KIF26B: variants seen among roughly 807,000 people sequenced by gnomAD.
KIF26B encodes the protein kinesin family member 26B.
In KIF26B, 63 loss-of-function variants were observed where a neutral mutation model predicts 151.2. That is an observed-to-expected ratio of 0.42 (90% CI 0.34 to 0.51). The LOEUF is 0.51. KIF26B is among the 20% of genes least tolerant of loss of function. KIF26B has a pLI of 0.07. For missense variants in KIF26B, 2,813 were observed against 2,913.6 expected, an observed-to-expected ratio of 0.97 and a Z score of 0.79; for synonymous variants, 1,357 against 1,262.1, an observed-to-expected ratio of 1.08 and a Z score of -1.59.
At chr1:245,504,149 G>A (rs910319415) in intron 4 of KIF26B, among the ~76,000 whole-genome samples, 8 of 152,180 alleles carry the variant, frequency 5.3e-5, no homozygotes, top group African/African-American at 1.9e-4. Flanking sequence ...CGTGGGAAGA[G>A]AGGAGGCCCT....
At chr1:245,497,435 A>T (rs111913241) in intron 4 of KIF26B, among the ~76,000 whole-genome samples, 4 of 152,202 alleles carry the variant, frequency 2.6e-5, no homozygotes, top group African/African-American at 9.7e-5. Context: ...AAATTCATTC[A>T]GAGTACTTTT....
At chr1:245,384,747 C>T (rs561050357) in intron 3 of KIF26B, among the ~76,000 whole-genome samples, 1 of 152,304 alleles carries the variant, frequency 6.6e-6, no homozygotes, top group South Asian at 2.1e-4. Context: ...ATTAAGAAGA[C>T]TGGTAAATAC....
rs1037447020 is a variant in KIF26B, at chr1:245,540,532, G to A, written c.1167-235G>A. The A allele has an allele frequency of 2.9e-6, 2 of 693,032 alleles. No individual in the cohort carries two copies. Among genetic ancestry groups the A allele is most frequent in the Admixed American group, 4.0e-5 (2 of 49,662 alleles). The allele number at this position is 693,032 out of a possible 1,614,324, so 42.9% of individuals were successfully genotyped here. A position where few individuals can be genotyped will look rare whatever the true frequency, so the allele number is the denominator to read the frequency against. On this transcript the variant is annotated intron_variant, in intron 4 of 14. Transcript: ENST00000407071. The surrounding 1 kb of genome is among the most constrained non-coding windows in gnomAD (Gnocchi z 4.6). ...ACATCATTCTTTGTAAATCGTGATTGCAGAATCCTGCTATTTTATGGCTTT... is the reference window on the plus strand; with the variant it reads ...ACATCATTCTTTGTAAATCGTGATTACAGAATCCTGCTATTTTATGGCTTT...
intron 10 of KIF26B, among the ~76,000 whole-genome samples, chr1:245,659,885 A>G (rs181492282): frequency 6.9e-6 from 1 of 144,400 alleles, no homozygotes; most frequent in East Asian, 2.5e-4. Flanking sequence ...CTAAAAATAC[A>G]AGAAAAAAAA....
chr1:245,257,244 C>T (rs1558364315), intron 2 of KIF26B, among the ~76,000 whole-genome samples: 3 of 152,224 alleles, frequency 2.0e-5, no homozygotes, highest in Admixed American at 1.3e-4. Context: ...CAATGTACAT[C>T]TTACATGTAT....
At chr1:245,420,361 A>T (rs184777025) in intron 4 of KIF26B, among the ~76,000 whole-genome samples, 106 of 152,342 alleles carry the variant, frequency 7.0e-4, no homozygotes, top group African/African-American at 2.5e-3. Flanking sequence ...CGGGAGACGA[A>T]GGACAGCTGA....
rs1172154568 is a variant in KIF26B at position 245,444,091 on chromosome 1, C to T, written c.1166+24346C>T. 8.2e-5 allele frequency among the ~76,000 whole-genome samples: 11 copies of T among 133,650 alleles called. No homozygotes were observed. In the East Asian group the frequency reaches 2.3e-3, roughly 28 times the overall value. 87.7% of individuals were successfully genotyped at this position (133,650 alleles called of 152,430 possible). ...GTCATCTCCCTCACTGTTCACCCTG[C>T]GGTCATCTCCCTCACTGTTCACCTA... is the stretch of plus-strand genomic sequence containing the variant. On this transcript the variant is annotated intron_variant, in intron 4 of 14. Transcript: ENST00000407071.
chr1:245,663,257 G>A (rs562714762), intron 10 of KIF26B, among the ~76,000 whole-genome samples: 2 of 139,362 alleles, frequency 1.4e-5, no homozygotes, highest in South Asian at 2.5e-4. Flanking sequence ...TCTGCTGCTT[G>A]TTACCCAGTA....
chr1:245,196,503 C>T (rs1669198804), intron 2 of KIF26B, among the ~76,000 whole-genome samples: 1 of 152,140 alleles, frequency 6.6e-6, no homozygotes, highest in South Asian at 2.1e-4. Flanking sequence ...GGTCTCCTCC[C>T]ACCTTTCCAA....
intron 2 of KIF26B, among the ~76,000 whole-genome samples, chr1:245,341,591 G>C (rs1672335519): frequency 6.6e-6 from 1 of 152,116 alleles, no homozygotes; most frequent in Non-Finnish European, 1.5e-5. Flanking sequence ...CAAAGTGCTG[G>C]GATTCCAGGA....
At chr1:245,412,907 C>T (rs1051903602) in intron 3 of KIF26B, among the ~76,000 whole-genome samples, 4 of 152,170 alleles carry the variant, frequency 2.6e-5, no homozygotes, top group Non-Finnish European at 1.5e-5. Context: ...GTGTCGACAC[C>T]TGCGCAGACA....
chr1:245,487,473 C>T (rs1660307573), intron 4 of KIF26B, among the ~76,000 whole-genome samples: 1 of 152,248 alleles, frequency 6.6e-6, no homozygotes, highest in South Asian at 2.1e-4. Context: ...GTGGAAGCTT[C>T]ACAGTGTGCC....
Position 245,560,237 on chromosome 1 carries a change from T to C in KIF26B, c.1350+19287T>C, listed in dbSNP as rs546465589. Among the ~76,000 whole-genome samples the C allele has an allele frequency of 3.3e-5, 5 of 152,314 alleles. No homozygotes were observed. In the South Asian group the frequency reaches 1.0e-3, roughly 32 times the overall value. On this transcript the variant is annotated intron_variant, in intron 5 of 14. Coordinates refer to ENST00000407071, the MANE Select transcript of KIF26B (RefSeq NM_018012.4). This position sits in a 1 kb window ranked among gnomAD's most constrained non-coding sequence, Gnocchi z 4.3. ...TAGATGCTCATTCGCTTCAATTCATTGAACATCTGCTACTGGCCAGGGACT... is the reference window on the plus strand; with the variant it reads ...TAGATGCTCATTCGCTTCAATTCATCGAACATCTGCTACTGGCCAGGGACT...
At chr1:245,391,655 C>CAAAAA (rs11363343) in intron 3 of KIF26B, among the ~76,000 whole-genome samples, 1 of 88,590 alleles carries the variant, frequency 1.1e-5, no homozygotes, top group African/African-American at 3.5e-5. Context: ...GACCCTGACT[C>CAAAAA]AAAAAAAAAA....
At chr1:245,457,260 A>T (rs1659554560) in intron 4 of KIF26B, among the ~76,000 whole-genome samples, 1 of 152,350 alleles carries the variant, frequency 6.6e-6, no homozygotes, top group Admixed American at 6.5e-5. Context: ...TTTTTAGTCC[A>T]TTAGGAGTTA....
At chr1:245,327,447 C>T (rs886929735) in intron 2 of KIF26B, among the ~76,000 whole-genome samples, 1 of 152,102 alleles carries the variant, frequency 6.6e-6, no homozygotes, top group Non-Finnish European at 1.5e-5. Flanking sequence ...ATTTGTTTTC[C>T]TCCCTTGCAT....
chr1:245,213,546 GGAGGACA>G (rs1669584674), intron 2 of KIF26B, among the ~76,000 whole-genome samples: 2 of 152,204 alleles, frequency 1.3e-5, no homozygotes, highest in South Asian at 4.1e-4. Flanking sequence ...AAGAGAGATG[GGAGGACA>G]GAGAAGAAAA....
In KIF26B at chr1:245,569,796, AAAAC is replaced by A. The variant is rs547433360; in HGVS notation, c.1350+28860_1350+28863del. 4.7e-3 allele frequency among the ~76,000 whole-genome samples: 715 copies of A among 151,738 alleles called. 1 individual carries two copies. The highest frequency in any genetic ancestry group is 7.9e-3 in the Non-Finnish European group (537 of 67,900). ...GACAGAGTGAGACCCTGTCTCAAACAAAACAAACAAACAAACACCTTGATTGATG... is the reference window on the plus strand; with the variant it reads ...GACAGAGTGAGACCCTGTCTCAAACAAAACAAACAAACACCTTGATTGATG... On this transcript the variant is annotated intron_variant, in intron 5 of 14. Transcript: ENST00000407071.
chr1:245,645,260 C>T (rs2043935120), intron 9 of KIF26B, among the ~76,000 whole-genome samples: 1 of 152,126 alleles, frequency 6.6e-6, no homozygotes, highest in African/African-American at 2.4e-5. Context: ...CGACACATCT[C>T]CAACATTGAG....
Sources: gnomAD v4.1 joint callset for allele counts (sites outside exome capture counted in the v4.1 genomes callset) on GRCh38, gnomAD v4.1.1 for gene constraint, Gnocchi (gnomAD v3.1) non-coding constraint, MANE v1.5 for transcripts, NCBI Gene and HGNC (gene_info 2026-07-23, HGNC 2026-07-21) for gene names.